Variants in RAD51B observed in about 807,000 individuals in gnomAD.
RAD51B encodes DNA repair protein RAD51 homolog 2.
In RAD51B, 38 loss-of-function variants were observed where a neutral mutation model predicts 42.2. The ratio of observed to expected loss-of-function variants is 0.90; its 90% CI spans 0.70 to 1.18. RAD51B has a LOEUF of 1.18. Ranked by LOEUF, RAD51B falls within the 50% of genes most tolerant of loss-of-function variation. The pLI, the probability that RAD51B is intolerant of heterozygous loss-of-function variation, is 0.00. For synonymous variants in RAD51B, 154 were observed against 145.2 expected (o/e 1.06, Z -0.43); for missense variants, 373 against 400.7 (o/e 0.93, Z 0.59).
At chr14:68,155,052 G>C (rs1318051247) in intron 7 of RAD51B, among the ~76,000 whole-genome samples, 1 of 152,016 alleles carries the variant, frequency 6.6e-6, no homozygotes, top group Non-Finnish European at 1.5e-5. Context: ...TACCATTGTT[G>C]ACCATATCAA....
chr14:68,456,890 T>C (rs1292741705), intron 9 of RAD51B, among the ~76,000 whole-genome samples: 12 of 62,500 alleles, frequency 1.9e-4, no homozygotes, highest in African/African-American at 1.4e-3. Flanking sequence ...TTTTTTTTTT[T>C]TTTTTTTTTT....
intron 8 of RAD51B, among the ~76,000 whole-genome samples, chr14:68,308,704 T>TAA (rs67048671): frequency 0.16 from 16,199 of 104,222 alleles, 2,269 homozygotes; most frequent in African/African-American, 0.35. Flanking sequence ...TCTGTGTCAT[T>TAA]AAAAAAAAAA....
chr14:68,192,506 CCAAA>C (rs932677055), intron 7 of RAD51B, among the ~76,000 whole-genome samples: 31 of 152,166 alleles, frequency 2.0e-4, no homozygotes, highest in African/African-American at 7.5e-4. Context: ...CCTGTGCTCT[CCAAA>C]CAATGTCTTT....
intron 10 of RAD51B, among the ~76,000 whole-genome samples, chr14:68,487,390 A>T (rs911251594): frequency 1.3e-5 from 2 of 151,866 alleles, no homozygotes; most frequent in Non-Finnish European, 2.9e-5. Context: ...TATCCATTGT[A>T]TGTTTTTTGG....
At chr14:68,232,102 T>C (rs1299578047) in intron 7 of RAD51B, among the ~76,000 whole-genome samples, 1 of 152,140 alleles carries the variant, frequency 6.6e-6, no homozygotes, top group Non-Finnish European at 1.5e-5. Flanking sequence ...TTGGGAAATA[T>C]GAGAAGCCTT....
chr14:68,561,996 A>T lies in RAD51B; in HGVS notation c.1037-32489A>T, dbSNP rs897453895. 5.1e-6 allele frequency: 5 copies of T among 985,446 alleles called. No homozygotes were observed. The East Asian group carries it at 5.7e-4, about 112-fold the overall frequency. The allele number at this position is 985,446 out of a possible 1,614,324, so 61.0% of individuals were successfully genotyped here. ...TACACGAGCTATTGTCTTTGTCCTC[A>T]GAGCTGCTCCTGTCTGCCTCACAGC... On this transcript the variant is annotated intron_variant, in intron 10 of 10. Transcript: ENST00000487270.
At chr14:68,274,233 G>T (rs758515651) in intron 7 of RAD51B, among the ~76,000 whole-genome samples, 1 of 151,766 alleles carries the variant, frequency 6.6e-6, no homozygotes, top group Non-Finnish European at 1.5e-5. Flanking sequence ...TCTTTTTTCC[G>T]GTATGATTAT....
chr14:68,000,429 T>G (rs1200899938), intron 7 of RAD51B: 2 of 152,226 alleles, frequency 1.3e-5, no homozygotes, highest in Admixed American at 1.3e-4. Context: ...ATGTTCGCAT[T>G]TAGTACAAAT....
intron 7 of RAD51B, among the ~76,000 whole-genome samples, chr14:67,947,269 GCTT>G (rs2045428122): frequency 1.3e-5 from 2 of 152,190 alleles, no homozygotes; most frequent in Admixed American, 1.3e-4. Context: ...CAGTTGATTA[GCTT>G]CTTGTTTAGA....
chr14:68,374,122 A>ATTG (rs1242174360), intron 8 of RAD51B, among the ~76,000 whole-genome samples: 3 of 152,232 alleles, frequency 2.0e-5, no homozygotes, highest in Non-Finnish European at 4.4e-5. Context: ...AATATCACAC[A>ATTG]ACTCCCATAT....
chr14:67,947,354 G>A (rs192754621), intron 7 of RAD51B, among the ~76,000 whole-genome samples: 1 of 152,222 alleles, frequency 6.6e-6, no homozygotes, highest in East Asian at 1.9e-4. Context: ...ATGGATTGAT[G>A]GCAATATAAA....
intron 7 of RAD51B, among the ~76,000 whole-genome samples, chr14:68,129,215 G>C (rs752532381): frequency 2.7e-4 from 41 of 152,168 alleles, no homozygotes; most frequent in Non-Finnish European, 5.7e-4. Flanking sequence ...GCTTGTTCAA[G>C]CCTCTTTCTA....
intron 7 of RAD51B, among the ~76,000 whole-genome samples, chr14:68,172,954 G>T (rs1461033994): frequency 6.6e-6 from 1 of 151,922 alleles, no homozygotes; most frequent in Non-Finnish European, 1.5e-5. Context: ...ATTACAGGGA[G>T]TTAGGCCTTT....
intron 10 of RAD51B, among the ~76,000 whole-genome samples, chr14:68,594,153 A>C (rs1890880870): frequency 6.8e-6 from 1 of 147,058 alleles, no homozygotes; most frequent in South Asian, 2.2e-4. Context: ...CGCCTTTGAG[A>C]GCTTGTTCCA....
At chr14:68,566,078 C>T (rs572627689) in intron 10 of RAD51B, among the ~76,000 whole-genome samples, 1 of 152,320 alleles carries the variant, frequency 6.6e-6, no homozygotes, top group South Asian at 2.1e-4. Context: ...TCACTCTTCA[C>T]CCTCTCTCCT....
chr14:68,297,957 T>C (rs2081646168), intron 8 of RAD51B, among the ~76,000 whole-genome samples: 1 of 152,160 alleles, frequency 6.6e-6, no homozygotes, highest in Non-Finnish European at 1.5e-5. Context: ...TTTCAGTTTT[T>C]GTTTCCAAAG....
intron 10 of RAD51B, among the ~76,000 whole-genome samples, chr14:68,634,098 C>T (rs960740456): frequency 2.0e-5 from 3 of 152,176 alleles, no homozygotes; most frequent in Admixed American, 6.5e-5. Context: ...GAGTTGGACT[C>T]CTGCCATCAG....
chr14:68,639,878 C>T (rs774749818), intron 10 of RAD51B, among the ~76,000 whole-genome samples: 7 of 152,134 alleles, frequency 4.6e-5, no homozygotes. Context: ...CTGCCTCCAT[C>T]TCCTGGGTTC....
chr14:68,046,921 T>G (rs902573942), intron 7 of RAD51B, among the ~76,000 whole-genome samples: 1 of 151,962 alleles, frequency 6.6e-6, no homozygotes, highest in South Asian at 2.1e-4. Flanking sequence ...TAAAAATGAT[T>G]GTAGGATCCT....
Sources: allele counts gnomAD v4.1 joint callset (sites outside exome capture counted in the v4.1 genomes callset), GRCh38; gene constraint gnomAD v4.1.1; transcripts MANE v1.5; gene names NCBI Gene and HGNC (gene_info 2026-07-23, HGNC 2026-07-21).